The following PDE1A variants were observed in gnomAD, a reference collection of about 807,000 sequenced individuals.
The protein encoded by PDE1A is dual specificity calcium/calmodulin-dependent 3',5'-cyclic nucleotide phosphodiesterase 1A.
Under a neutral mutation model 61.7 loss-of-function variants are expected in PDE1A, and 35 were observed. The ratio of observed to expected loss-of-function variants is 0.57; its 90% CI spans 0.43 to 0.75. The LOEUF is 0.75. PDE1A is among the 30% of genes least tolerant of loss of function. PDE1A has a pLI of 0.00. For synonymous variants in PDE1A, 232 were observed against 213.2 expected (o/e 1.09, Z -0.77); for missense variants, 597 against 630.6 (o/e 0.95, Z 0.57).
At chr2:182,195,597 A>T (rs1028548981) in intron 10 of PDE1A, among the ~76,000 whole-genome samples, 4 of 152,052 alleles carry the variant, frequency 2.6e-5, no homozygotes, top group African/African-American at 9.6e-5. Context: ...CTCTGGACAG[A>T]CCTCTTTTGA....
intron 2 of PDE1A, among the ~76,000 whole-genome samples, chr2:182,443,667 G>GAGTCAATT (rs1684939701): frequency 6.6e-6 from 1 of 150,478 alleles, no homozygotes; most frequent in Non-Finnish European, 1.5e-5. Context: ...GTGCAAATGT[G>GAGTCAATT]AGTCAATTAA....
At chr2:182,380,306 G>T (rs2125308248) in intron 1 of PDE1A, among the ~76,000 whole-genome samples, 1 of 151,844 alleles carries the variant, frequency 6.6e-6, no homozygotes, top group South Asian at 2.1e-4. Context: ...TAGAGACGGG[G>T]TTTCACCATG....
chr2:182,687,563 T>G, the PDE1A span, among the ~76,000 whole-genome samples: 1 of 152,166 alleles, frequency 6.6e-6, no homozygotes, highest in Admixed American at 6.5e-5. Context: ...CAAAGGTAGA[T>G]AAAACCACAA....
chr2:182,332,556 T>C (rs1697489333), intron 1 of PDE1A, among the ~76,000 whole-genome samples: 2 of 152,186 alleles, frequency 1.3e-5, no homozygotes, highest in South Asian at 2.1e-4. Context: ...TGTGTGGATG[T>C]CCTTTTTGTT....
exon 1 of PDE1A, chr2:182,426,848 C>G (rs1027651842): frequency 2.9e-5 from 40 of 1,366,870 alleles, no homozygotes; most frequent in Non-Finnish European, 3.7e-5. Context: ...TGGGGCACTC[C>G]CCCACAGAGC....
the PDE1A span, among the ~76,000 whole-genome samples, chr2:182,693,092 A>G: frequency 6.6e-6 from 1 of 152,154 alleles, no homozygotes; most frequent in Admixed American, 6.5e-5. Context: ...CCTGTCTCCA[A>G]AAAAATAAAA....
chr2:182,340,365 C>A (rs181499280), intron 1 of PDE1A, among the ~76,000 whole-genome samples: 1 of 152,094 alleles, frequency 6.6e-6, no homozygotes, highest in African/African-American at 2.4e-5. Flanking sequence ...AAAGAGCCTC[C>A]AAGTGAAATG....
chr2:182,596,962 T>C, the PDE1A span, among the ~76,000 whole-genome samples: 3 of 152,172 alleles, frequency 2.0e-5, no homozygotes, highest in East Asian at 5.8e-4. Context: ...GAGTCCAGCC[T>C]GGGCAACATG....
In PDE1A at chr2:182,311,755, T is replaced by A. The variant is rs185146300; in HGVS notation, c.54-47341A>T. ...ATGGACATTCACATGTAAGTCTACA[T>A]ATCTTGTATGATTTCATTTCTCTTG... On this transcript the variant is annotated intron_variant, in intron 1 of 13. Coordinates refer to ENST00000351439, the Ensembl canonical transcript of PDE1A. Among the ~76,000 whole-genome samples, 379 of 152,332 alleles carry A rather than the reference T, an allele frequency of 2.5e-3. 3 individuals carry two copies. The highest frequency in any genetic ancestry group is 8.6e-3 in the African/African-American group (359 of 41,586).
chr2:182,361,329 A>G (rs1238375472), intron 1 of PDE1A, among the ~76,000 whole-genome samples: 1 of 152,114 alleles, frequency 6.6e-6, no homozygotes, highest in African/African-American at 2.4e-5. Flanking sequence ...TAATAGGCAA[A>G]AAATGTGATC....
the PDE1A span, among the ~76,000 whole-genome samples, chr2:182,576,241 T>G: frequency 6.6e-6 from 1 of 152,094 alleles, no homozygotes; most frequent in Non-Finnish European, 1.5e-5. Context: ...CCTAAGCACC[T>G]AGTAACCACC....
chr2:182,553,466 G>T, the PDE1A span, among the ~76,000 whole-genome samples: 5 of 152,194 alleles, frequency 3.3e-5, no homozygotes, highest in Non-Finnish European at 4.4e-5. Flanking sequence ...CTGACCTCAG[G>T]TGATCCACCT....
chr2:182,348,209 A>G (rs1375420644), intron 1 of PDE1A, among the ~76,000 whole-genome samples: 1 of 152,198 alleles, frequency 6.6e-6, no homozygotes, highest in Non-Finnish European at 1.5e-5. Context: ...TTAATAAGCC[A>G]GTATGGGCAA....
chr2:182,559,864 A>G, the PDE1A span, among the ~76,000 whole-genome samples: 2 of 152,194 alleles, frequency 1.3e-5, no homozygotes, highest in Admixed American at 6.5e-5. Flanking sequence ...AAAGCCAGTT[A>G]CAAAAGAATG....
chr2:182,311,989 A>G lies in PDE1A; in HGVS notation c.54-47575T>C, dbSNP rs540779124. Among the ~76,000 whole-genome samples the G allele has an allele frequency of 2.3e-3, 344 of 152,288 alleles. 1 individual carries two copies. The highest frequency in any genetic ancestry group is 4.3e-3 in the Non-Finnish European group (293 of 68,008). On this transcript the variant is annotated intron_variant, in intron 1 of 13. Coordinates refer to ENST00000351439, the Ensembl canonical transcript of PDE1A. ...GTCATCCTAATAGATGTGTAGTGGT[A>G]TCTCACTGCAGTTTTAATTTGCATT...
chr2:182,185,739 TTCTC>T, intron 13 of PDE1A, 149 bp downstream of exon 13: 1 of 1,417,910 alleles, frequency 7.1e-7, no homozygotes, highest in East Asian at 2.5e-5. Flanking sequence ...TGAGCCAACT[TTCTC>T]ATGAATGATC....
intron 7 of PDE1A, among the ~76,000 whole-genome samples, chr2:182,215,168 G>C (rs1688048613): frequency 2.5e-5 from 1 of 40,336 alleles, no homozygotes; most frequent in East Asian, 7.1e-4. Flanking sequence ...AATGACTACT[G>C]GGTACATAAC....
chr2:182,343,959 T>C (rs1456207128), intron 1 of PDE1A, among the ~76,000 whole-genome samples: 1 of 151,658 alleles, frequency 6.6e-6, no homozygotes, highest in African/African-American at 2.4e-5. Flanking sequence ...AGCCTCAACC[T>C]CCCTGGGCTC....
the PDE1A span, among the ~76,000 whole-genome samples, chr2:182,696,283 T>C: frequency 6.6e-6 from 1 of 152,264 alleles, no homozygotes; most frequent in African/African-American, 2.4e-5. Flanking sequence ...ATTTACTGCT[T>C]AAAGGAAATG....
Sources: allele counts gnomAD v4.1 joint callset (sites outside exome capture counted in the v4.1 genomes callset), GRCh38; gene constraint gnomAD v4.1.1; transcripts MANE v1.5; gene names NCBI Gene and HGNC (gene_info 2026-07-23, HGNC 2026-07-21).